The following CSMD1 variants were observed in gnomAD, a reference collection of about 807,000 sequenced individuals.
The protein encoded by CSMD1 is CUB and Sushi multiple domains 1, also known as CUB and sushi domain-containing protein 1.
Under a neutral mutation model 417.5 loss-of-function variants are expected in CSMD1, and 213 were observed. The ratio of observed to expected loss-of-function variants is 0.51; its 90% CI spans 0.46 to 0.57. The LOEUF is 0.57. Ranked by LOEUF, CSMD1 falls within the 20% of genes least tolerant of loss-of-function variation. CSMD1 has a pLI of 0.00. For missense variants in CSMD1, 6,923 were observed against 4,529.7 expected (o/e 1.53, Z -15.17); for synonymous variants, 2,862 against 1,736.8 (o/e 1.65, Z -16.11).
chr8:4,135,435 A>C (rs1391384841), intron 3 of CSMD1, among the ~76,000 whole-genome samples: 6 of 151,576 alleles, frequency 4.0e-5, no homozygotes, highest in Admixed American at 2.0e-4. Flanking sequence ...GGAAGGAGGG[A>C]AGGACGGAAA....
At chr8:4,145,909 G>A (rs920146209) in intron 3 of CSMD1, among the ~76,000 whole-genome samples, 3 of 150,914 alleles carry the variant, frequency 2.0e-5, no homozygotes, top group South Asian at 2.1e-4. Flanking sequence ...TCATCCCTTG[G>A]CACATGATTG....
chr8:4,501,641 G>A (rs1013998802), intron 2 of CSMD1, among the ~76,000 whole-genome samples: 2 of 152,080 alleles, frequency 1.3e-5, no homozygotes, highest in African/African-American at 2.4e-5. Context: ...TCTGACTAGC[G>A]CCATCCCACT....
intron 3 of CSMD1, among the ~76,000 whole-genome samples, chr8:4,385,915 A>G (rs1414223992): frequency 6.6e-6 from 1 of 152,228 alleles, no homozygotes; most frequent in Non-Finnish European, 1.5e-5. Flanking sequence ...TTCTCCAGGA[A>G]TTCCAGAGTT....
intron 2 of CSMD1, among the ~76,000 whole-genome samples, chr8:4,465,062 C>A (rs182510667): frequency 6.6e-6 from 1 of 152,226 alleles, no homozygotes; most frequent in East Asian, 1.9e-4. Context: ...CCGAGCATTT[C>A]AGACTCAGTT....
chr8:4,569,382 A>T (rs1017496246), intron 2 of CSMD1, among the ~76,000 whole-genome samples: 1 of 152,144 alleles, frequency 6.6e-6, no homozygotes, highest in South Asian at 2.1e-4. Context: ...CTTTCCCAAC[A>T]CCATGTATTA....
intron 1 of CSMD1, among the ~76,000 whole-genome samples, chr8:4,902,319 C>T (rs144215642): frequency 2.6e-5 from 4 of 151,680 alleles, no homozygotes; most frequent in Non-Finnish European, 5.9e-5. Context: ...CGCCTCTAGT[C>T]CCAGCCACTC....
At chr8:4,790,254 A>C (rs1397750924) in intron 1 of CSMD1, among the ~76,000 whole-genome samples, 2 of 152,170 alleles carry the variant, frequency 1.3e-5, no homozygotes, top group African/African-American at 4.8e-5. Context: ...GAATAAAATA[A>C]CTAGGAATAC....
chr8:4,413,927 T>G (rs538148882), intron 3 of CSMD1, among the ~76,000 whole-genome samples: 1 of 152,208 alleles, frequency 6.6e-6, no homozygotes, highest in East Asian at 1.9e-4. Context: ...AAAGTAATTA[T>G]TGAAATTTTG....
At chr8:4,624,205 C>T (rs951791734) in intron 2 of CSMD1, among the ~76,000 whole-genome samples, 4 of 152,106 alleles carry the variant, frequency 2.6e-5, no homozygotes, top group African/African-American at 9.7e-5. Context: ...GAGATGACCT[C>T]TATTTGTCTA....
At chr8:4,155,773 G>C (rs868702135) in intron 3 of CSMD1, among the ~76,000 whole-genome samples, 1 of 152,076 alleles carries the variant, frequency 6.6e-6, no homozygotes, top group Admixed American at 6.5e-5. Flanking sequence ...GATCTTTCCA[G>C]TAATTTGTGT....
At chr8:4,743,378 A>C (rs1052634845) in intron 1 of CSMD1, among the ~76,000 whole-genome samples, 1 of 152,190 alleles carries the variant, frequency 6.6e-6, no homozygotes, top group African/African-American at 2.4e-5. Context: ...CACAGGATGG[A>C]AATTATCATC....
chr8:3,079,405 G>T (rs1212754409), intron 49 of CSMD1, among the ~76,000 whole-genome samples: 2 of 152,118 alleles, frequency 1.3e-5, no homozygotes, highest in African/African-American at 4.8e-5. Context: ...CTATTTAAAT[G>T]TAAGTTTCTA....
chr8:4,555,968 A>G (rs1217768501), intron 2 of CSMD1, among the ~76,000 whole-genome samples: 6 of 152,250 alleles, frequency 3.9e-5, no homozygotes, highest in Middle Eastern at 3.4e-3. Context: ...TTCTTTTTCT[A>G]TATAAAATGA....
chr8:3,841,529 G>T (rs1803131398), intron 5 of CSMD1, among the ~76,000 whole-genome samples: 1 of 152,020 alleles, frequency 6.6e-6, no homozygotes, highest in African/African-American at 2.4e-5. Flanking sequence ...CTAGGGACTT[G>T]TAAAATTCCA....
intron 12 of CSMD1, among the ~76,000 whole-genome samples, chr8:3,413,967 T>C (rs1812969617): frequency 6.6e-6 from 1 of 151,442 alleles, no homozygotes; most frequent in African/African-American, 2.4e-5. Flanking sequence ...CATGAAACCC[T>C]ATCTCTACTA....
rs572484767 is a variant in CSMD1, at chr8:4,207,781, G to C, written c.416-175682C>G. ...AATCTACTAGGATAGCAAACCATTA[G>C]AACTGGCAATAGCAAAAGTTACAAT... On this transcript the variant is annotated intron_variant, in intron 3 of 69. Coordinates refer to ENST00000635120, the MANE Select transcript of CSMD1 (RefSeq NM_033225.6). 2.0e-5 allele frequency among the ~76,000 whole-genome samples: 3 copies of C among 152,172 alleles called. No homozygotes were observed. In the South Asian group the frequency reaches 6.2e-4, roughly 32 times the overall value.
intron 3 of CSMD1, among the ~76,000 whole-genome samples, chr8:4,277,397 C>G (rs1796547990): frequency 6.6e-6 from 1 of 152,086 alleles, no homozygotes; most frequent in African/African-American, 2.4e-5. Flanking sequence ...TGGCTTGACC[C>G]AGCCCCCATT....
At chr8:4,176,551 T>G (rs1798052234) in intron 3 of CSMD1, among the ~76,000 whole-genome samples, 1 of 151,924 alleles carries the variant, frequency 6.6e-6, no homozygotes, top group Non-Finnish European at 1.5e-5. Flanking sequence ...CCTACTAATA[T>G]ACCCCATTTT....
intron 3 of CSMD1, among the ~76,000 whole-genome samples, chr8:4,369,198 T>C (rs1294937937): frequency 6.6e-6 from 1 of 152,208 alleles, no homozygotes; most frequent in African/African-American, 2.4e-5. Context: ...CTTAATTTCA[T>C]TCTTTACCTA....
Sources: allele counts gnomAD v4.1 joint callset (sites outside exome capture counted in the v4.1 genomes callset), GRCh38; gene constraint gnomAD v4.1.1; transcripts MANE v1.5; gene names NCBI Gene and HGNC (gene_info 2026-07-23, HGNC 2026-07-21).